NEBL: variants seen among roughly 807,000 people sequenced by gnomAD.
NEBL encodes the protein LIM and SH3 protein 2.
A neutral mutation model predicts 140.2 loss-of-function variants in NEBL; 122 were observed. The observed-to-expected ratio is 0.87, with a 90% CI of 0.75 to 1.01. NEBL has a LOEUF of 1.01. NEBL is among the 50% of genes least tolerant of loss of function. The pLI, the probability that NEBL is intolerant of heterozygous loss-of-function variation, is 0.00. For missense variants in NEBL, 1,365 were observed against 1,231.3 expected, an observed-to-expected ratio of 1.11 and a Z score of -1.62; for synonymous variants, 436 against 398.9, an observed-to-expected ratio of 1.09 and a Z score of -1.11.
intron 2 of NEBL, among the ~76,000 whole-genome samples, chr10:21,087,648 C>T (rs576753313): frequency 2.0e-5 from 3 of 152,132 alleles, no homozygotes; most frequent in South Asian, 2.1e-4. Flanking sequence ...TGGTGCCTAT[C>T]GAGTAATAAT....
At chr10:21,230,758 C>G (rs1842238274) in intron 3 of NEBL, among the ~76,000 whole-genome samples, 1 of 152,052 alleles carries the variant, frequency 6.6e-6, no homozygotes, top group African/African-American at 2.4e-5. Flanking sequence ...GCACCCACCG[C>G]CAAGCCCAGC....
At chr10:21,239,941 G>T (rs970309269) in intron 3 of NEBL, among the ~76,000 whole-genome samples, 1 of 151,844 alleles carries the variant, frequency 6.6e-6, no homozygotes, top group East Asian at 1.9e-4. Flanking sequence ...GCATGAACCC[G>T]GGAGGCAGAG....
intron 2 of NEBL, among the ~76,000 whole-genome samples, chr10:20,894,376 G>A (rs1847265294): frequency 6.6e-6 from 1 of 151,940 alleles, no homozygotes; most frequent in Non-Finnish European, 1.5e-5. Flanking sequence ...GGAAGGCTAA[G>A]GCTGGAGAAT....
chr10:21,278,112 G>T (rs1842946479), intron 1 of NEBL, among the ~76,000 whole-genome samples: 1 of 152,186 alleles, frequency 6.6e-6, no homozygotes, highest in African/African-American at 2.4e-5. Context: ...CTGGTTGACT[G>T]AACCAGAATA....
chr10:20,888,223 A>G lies in NEBL; in HGVS notation c.259-16T>C. ...TGTATTTTGCCTGGGGGAAAAAAAAACAGGAAAAAAATAAATAAATAAACT... is the reference window on the plus strand; with the variant it reads ...TGTATTTTGCCTGGGGGAAAAAAAAGCAGGAAAAAAATAAATAAATAAACT... On this transcript the variant is annotated splice_polypyrimidine_tract_variant and intron_variant, in intron 3 of 27. Coordinates refer to ENST00000377122, the MANE Select transcript of NEBL (RefSeq NM_006393.3). 7.1e-7 allele frequency: 1 copy of G among 1,411,076 alleles called. No individual in the cohort carries two copies. Among genetic ancestry groups the G allele is most frequent in the Non-Finnish European group, 9.8e-7 (1 of 1,021,446 alleles). 87.4% of individuals were successfully genotyped at this position (1,411,076 alleles called of 1,614,324 possible).
At chr10:21,210,238 A>G (rs942134209) in intron 3 of NEBL, among the ~76,000 whole-genome samples, 1 of 152,088 alleles carries the variant, frequency 6.6e-6, no homozygotes, top group Non-Finnish European at 1.5e-5. Context: ...CCAAAAATAC[A>G]AAAAACTTAG....
chr10:21,064,029 G>A (rs535102568), intron 2 of NEBL, among the ~76,000 whole-genome samples: 56 of 152,114 alleles, frequency 3.7e-4, no homozygotes, highest in African/African-American at 1.3e-3. Flanking sequence ...CTGAGATCGC[G>A]CCACTGTACT....
chr10:20,870,084 T>C (rs1295486884), intron 5 of NEBL, among the ~76,000 whole-genome samples: 1 of 152,056 alleles, frequency 6.6e-6, no homozygotes, highest in African/African-American at 2.4e-5. Flanking sequence ...CCCAGAACTT[T>C]GGGAGGCCTA....
intron 3 of NEBL, among the ~76,000 whole-genome samples, chr10:21,234,092 G>T (rs1174149021): frequency 1.5e-5 from 2 of 135,182 alleles, no homozygotes; most frequent in Non-Finnish European, 3.3e-5. Context: ...TTATTTTTAG[G>T]ACTGGACTGG....
chr10:20,873,122 T>A (rs146431502), intron 5 of NEBL, among the ~76,000 whole-genome samples: 312 of 152,316 alleles, frequency 2.0e-3, no homozygotes, highest in Non-Finnish European at 3.6e-3. Context: ...AATAAGTATT[T>A]GCTCCAATCT....
chr10:21,211,074 G>C (rs1841907982), intron 3 of NEBL, among the ~76,000 whole-genome samples: 1 of 152,160 alleles, frequency 6.6e-6, no homozygotes, highest in African/African-American at 2.4e-5. Context: ...CACAGATTCA[G>C]TAGGAATAAA....
chr10:21,000,190 A>C, intron 3 of NEBL, among the ~76,000 whole-genome samples: 1 of 92,028 alleles, frequency 1.1e-5, no homozygotes, highest in Admixed American at 1.7e-4. Flanking sequence ...AGGGGGATAG[A>C]GGGGGAATAG....
At chr10:20,980,308 A>T (rs1408584702) in intron 3 of NEBL, among the ~76,000 whole-genome samples, 1 of 145,690 alleles carries the variant, frequency 6.9e-6, no homozygotes, top group Non-Finnish European at 1.5e-5. Context: ...GTTCAGAAAC[A>T]TAAAAAAGTT....
intron 2 of NEBL, among the ~76,000 whole-genome samples, chr10:21,026,763 G>T (rs553917452): frequency 2.0e-5 from 3 of 152,310 alleles, no homozygotes; most frequent in East Asian, 1.9e-4. Context: ...CATTTGAAAG[G>T]CCTGCTTAGA....
At chr10:21,263,751 G>A (rs1842767073) in intron 1 of NEBL, among the ~76,000 whole-genome samples, 1 of 152,152 alleles carries the variant, frequency 6.6e-6, no homozygotes, top group East Asian at 1.9e-4. Flanking sequence ...GATCACCTGA[G>A]GTCAGGAGTT....
intron 4 of NEBL, among the ~76,000 whole-genome samples, chr10:20,955,893 A>C (rs1335098980): frequency 6.6e-6 from 1 of 150,412 alleles, no homozygotes; most frequent in African/African-American, 2.5e-5. Context: ...TGTTCACTGA[A>C]TCCCTCATCT....
intron 4 of NEBL, among the ~76,000 whole-genome samples, chr10:20,939,912 C>A (rs957612976): frequency 1.8e-4 from 27 of 152,198 alleles, no homozygotes; most frequent in African/African-American, 6.0e-4. Context: ...GCACCCAATA[C>A]AGGAGCACCC....
chr10:20,879,907 C>G (rs1183640451), intron 5 of NEBL, among the ~76,000 whole-genome samples: 5 of 152,180 alleles, frequency 3.3e-5, no homozygotes, highest in Non-Finnish European at 5.9e-5. Flanking sequence ...CGAGCAAATG[C>G]ATGCAAACCT....
intron 2 of NEBL, among the ~76,000 whole-genome samples, chr10:21,150,835 A>T (rs1179162030): frequency 2.6e-5 from 4 of 152,202 alleles, no homozygotes; most frequent in Non-Finnish European, 4.4e-5. Context: ...TGTACAAGAA[A>T]ATTAATAGGA....
Sources: allele counts gnomAD v4.1 joint callset (sites outside exome capture counted in the v4.1 genomes callset), GRCh38; gene constraint gnomAD v4.1.1; transcripts MANE v1.5; gene names NCBI Gene and HGNC (gene_info 2026-07-23, HGNC 2026-07-21).